The following NUDT3 variants were observed in gnomAD, a reference collection of about 807,000 sequenced individuals.
NUDT3 encodes the protein nudix hydrolase 3, also known as diphosphoinositol polyphosphate phosphohydrolase 1.
NUDT3 carries 9 observed loss-of-function variants against 23.6 expected under a neutral mutation model. That is an observed-to-expected ratio of 0.38 (90% confidence interval 0.23 to 0.66). NUDT3 has a LOEUF of 0.66. Among genes scored for constraint, NUDT3 ranks in the 30% least tolerant of loss-of-function variants. The probability of loss-of-function intolerance (pLI) is 0.52; values close to 1 mark genes in which losing one functional copy is unlikely to be tolerated. For synonymous variants in NUDT3, 86 were observed against 82.6 expected, an observed-to-expected ratio of 1.04 and a Z score of -0.22; for missense variants, 172 against 218.5, an observed-to-expected ratio of 0.79 and a Z score of 1.34.
chr6:34,350,122 T>A lies in NUDT3; in HGVS notation c.100-8150A>T, dbSNP rs577958922. ...AGAAAAAAAAGAAAAGAAATTAGAT[T>A]ATCTATGGTGATAATCTATGCCATA... On this transcript the variant is annotated intron_variant, in intron 1 of 4. Coordinates refer to ENST00000607016, the MANE Select transcript of NUDT3 (RefSeq NM_006703.4). 6.0e-4 allele frequency among the ~76,000 whole-genome samples: 90 copies of A among 150,852 alleles called. 7 individuals are homozygous for A. The highest frequency in any genetic ancestry group is 2.0e-3 in the African/African-American group (83 of 40,642).
rs397888346 is a variant in NUDT3, at chr6:34,374,156, CAAAAAAAAAAAAAA to C, written c.99+18094_99+18107del. Among the ~76,000 whole-genome samples, 581 of 64,724 alleles carry C rather than the reference CAAAAAAAAAAAAAA, an allele frequency of 9.0e-3. 6 individuals carry two copies. Among genetic ancestry groups the C allele is most frequent in the African/African-American group, 0.029 (549 of 18,746 alleles). 42.5% of individuals were successfully genotyped at this position (64,724 alleles called of 152,430 possible). A position where few individuals can be genotyped will look rare whatever the true frequency, so the allele number is the denominator to read the frequency against. On this transcript the variant is annotated intron_variant, in intron 1 of 4. Transcript: ENST00000607016. ...TGGGCGACAGAACAAGGCTCCCTCT[CAAAAAAAAAAAAAA>C]AAAAAAAAAAAATGCATTCTACTTG...
intron 2 of NUDT3, among the ~76,000 whole-genome samples, chr6:34,340,383 T>C (rs1285684971): frequency 1.3e-5 from 2 of 152,224 alleles, no homozygotes; most frequent in African/African-American, 2.4e-5. Flanking sequence ...ACTCATGTTC[T>C]CGTTTGAACC....
At chr6:34,373,794 T>C (rs1226052640) in intron 1 of NUDT3, among the ~76,000 whole-genome samples, 4 of 152,194 alleles carry the variant, frequency 2.6e-5, no homozygotes, top group African/African-American at 9.7e-5. Flanking sequence ...ATAATTGTGT[T>C]ACAGCCTTTC....
intron 2 of NUDT3, among the ~76,000 whole-genome samples, chr6:34,339,756 A>G (rs1764261084): frequency 6.6e-6 from 1 of 152,230 alleles, no homozygotes; most frequent in South Asian, 2.1e-4. Flanking sequence ...CCTGTATAAT[A>G]AATTTTTTCT....
At chr6:34,364,294 A>C (rs1764692742) in intron 1 of NUDT3, among the ~76,000 whole-genome samples, 1 of 152,222 alleles carries the variant, frequency 6.6e-6, no homozygotes, top group South Asian at 2.1e-4. Context: ...AATATAACTG[A>C]ATATAAATAA....
chr6:34,298,122 G>A (rs1763543497), intron 2 of NUDT3, among the ~76,000 whole-genome samples: 1 of 152,070 alleles, frequency 6.6e-6, no homozygotes, highest in Admixed American at 6.6e-5. Context: ...AGCACTTTGG[G>A]AGGCCGAGGT....
At chr6:34,348,786 TAGAA>T (rs1477878194) in intron 1 of NUDT3, among the ~76,000 whole-genome samples, 4 of 147,592 alleles carry the variant, frequency 2.7e-5, no homozygotes, top group Admixed American at 2.0e-4. Flanking sequence ...AAAAAAAAAA[TAGAA>T]AGAAACAAAA....
In NUDT3 at chr6:34,392,633, C is replaced by T. The variant is rs932927606; in HGVS notation, c.-271G>A. The T allele has an allele frequency of 8.3e-6, 2 of 241,994 alleles. No individual in the cohort carries two copies. The highest frequency in any genetic ancestry group is 1.6e-5 in the Non-Finnish European group (2 of 126,388). The allele number at this position is 241,994 out of a possible 1,614,324, so 15.0% of individuals were successfully genotyped here. On this transcript the variant is annotated 5_prime_UTR_variant, in exon 1 of 5. Coordinates refer to ENST00000607016, the MANE Select transcript of NUDT3 (RefSeq NM_006703.4). ...CTGCCGCCGCCACCCCCGACGACGA[C>T]CGCGCCGCCATCTTGGGCGCGATGC...
At chr6:34,318,872 T>G (rs192451444) in intron 2 of NUDT3, among the ~76,000 whole-genome samples, 12 of 152,278 alleles carry the variant, frequency 7.9e-5, no homozygotes, top group African/African-American at 2.6e-4. Context: ...CTGTACATGC[T>G]TCTTTGTGCT....
intron 1 of NUDT3, among the ~76,000 whole-genome samples, chr6:34,390,359 A>T (rs1369064328): frequency 1.1e-4 from 16 of 151,802 alleles, no homozygotes; most frequent in African/African-American, 3.9e-4. Flanking sequence ...GACTTGTGAG[A>T]TGCCGTGAGG....
Position 34,392,500 on chromosome 6 carries a change from C to T in NUDT3, c.-138G>A. ...GGGGGAGCTTCTCCGCTACACGGCT[C>T]CGCCGCTGGCCCGCCGCGGCCGCCT... is the stretch of plus-strand genomic sequence containing the variant. On this transcript the variant is annotated 5_prime_UTR_variant, in exon 1 of 5. Coordinates refer to ENST00000607016, the MANE Select transcript of NUDT3 (RefSeq NM_006703.4). The T allele has an allele frequency of 1.9e-6, 1 of 524,594 alleles. No individual in the cohort carries two copies. Among genetic ancestry groups the T allele is most frequent in the South Asian group, 2.5e-5 (1 of 39,898 alleles). The allele number at this position is 524,594 out of a possible 1,614,324, so 32.5% of individuals were successfully genotyped here.
At chr6:34,313,028 A>T (rs940193492) in intron 2 of NUDT3, among the ~76,000 whole-genome samples, 3 of 152,036 alleles carry the variant, frequency 2.0e-5, no homozygotes, top group African/African-American at 7.3e-5. Context: ...TTAGCTGGGC[A>T]TGGTGGCGCA....
intron 2 of NUDT3, among the ~76,000 whole-genome samples, chr6:34,313,638 A>G (rs1763809273): frequency 6.6e-6 from 1 of 151,788 alleles, no homozygotes; most frequent in Non-Finnish European, 1.5e-5. Context: ...TTTGCACTCA[A>G]TTTTGCTGTG....
At chr6:34,291,204 C>A (rs1161912131) in intron 4 of NUDT3, among the ~76,000 whole-genome samples, 2 of 151,914 alleles carry the variant, frequency 1.3e-5, no homozygotes, top group Admixed American at 1.3e-4. Context: ...AGTGATTCAC[C>A]CGCCTTGGCC....
chr6:34,322,663 A>G (rs1390794403), intron 2 of NUDT3, among the ~76,000 whole-genome samples: 1 of 152,266 alleles, frequency 6.6e-6, no homozygotes, highest in Non-Finnish European at 1.5e-5. Context: ...AGGCCTAGTG[A>G]GGAAACAAAT....
At chr6:34,337,503 C>T (rs1344870988) in intron 2 of NUDT3, among the ~76,000 whole-genome samples, 1 of 152,224 alleles carries the variant, frequency 6.6e-6, no homozygotes, top group East Asian at 1.9e-4. Context: ...CTATTTCACA[C>T]TATTCTCCCT....
At chr6:34,374,653 ACTC>A (rs1228350835) in intron 1 of NUDT3, among the ~76,000 whole-genome samples, 4 of 151,548 alleles carry the variant, frequency 2.6e-5, no homozygotes, top group African/African-American at 9.7e-5. Flanking sequence ...GCATTTGTCT[ACTC>A]CTCCATTTCT....
intron 2 of NUDT3, among the ~76,000 whole-genome samples, chr6:34,341,333 C>T (rs1292375922): frequency 1.3e-5 from 2 of 151,804 alleles, no homozygotes; most frequent in Non-Finnish European, 2.9e-5. Context: ...ATATCATGGC[C>T]CAGGAACTCA....
intron 1 of NUDT3, among the ~76,000 whole-genome samples, chr6:34,389,912 C>T (rs2113774652): frequency 6.6e-6 from 1 of 151,252 alleles, no homozygotes; most frequent in East Asian, 1.9e-4. Context: ...TGCAGTGAGC[C>T]GAGATGGTGC....
Sources: allele counts gnomAD v4.1 joint callset (sites outside exome capture counted in the v4.1 genomes callset), GRCh38; gene constraint gnomAD v4.1.1; transcripts MANE v1.5; gene names NCBI Gene and HGNC (gene_info 2026-07-23, HGNC 2026-07-21).